The following GATA1 variants were observed in gnomAD, a reference collection of about 807,000 sequenced individuals.
GATA1 encodes erythroid transcription factor.
GATA1 carries 2 observed loss-of-function variants against 18.9 expected under a neutral mutation model. That is an observed-to-expected ratio of 0.11 (90% confidence interval 0.04 to 0.33). GATA1 has a LOEUF of 0.33. Among genes scored for constraint, GATA1 ranks in the 10% least tolerant of loss-of-function variants. The probability of loss-of-function intolerance (pLI) is 1.00; values close to 1 mark genes in which losing one functional copy is unlikely to be tolerated. For missense variants in GATA1, 272 were observed against 344.7 expected, an observed-to-expected ratio of 0.79 and a Z score of 1.67; for synonymous variants, 152 against 149.1, an observed-to-expected ratio of 1.02 and a Z score of -0.14.
In GATA1 at chrX:48,794,253, G is replaced by A; in HGVS notation, c.*89G>A. 1 of 1,066,245 alleles carries A rather than the reference G, an allele frequency of 9.4e-7. No homozygotes were observed. The highest frequency in any genetic ancestry group is 1.3e-6 in the Non-Finnish European group (1 of 783,867). The allele number at this position is 1,066,245 out of a possible 1,213,427, so 87.9% of individuals were successfully genotyped here. The stretch of plus-strand genomic sequence containing the variant: ...GACAACCCAAGTCTCTGGGCCCCAG[G>A]CACCCCCTGGCTTGAACCTTCAAAG... On this transcript the variant is annotated 3_prime_UTR_variant, in exon 6 of 6. Coordinates refer to ENST00000376670, the MANE Select transcript of GATA1 (RefSeq NM_002049.4).
chrX:48,787,090 G>A (rs1203922685), intron 1 of GATA1, among the ~76,000 whole-genome samples: 1 of 109,268 alleles, frequency 9.2e-6, no homozygotes, highest in African/African-American at 3.3e-5. Context: ...GCTCTACAAC[G>A]CCTTGTCTTT....
chrX:48,791,762 T>C (rs782307074), intron 2 of GATA1, 82 bp from the exon 3 acceptor site: 141 of 1,108,634 alleles, frequency 1.3e-4, no homozygotes, highest in Non-Finnish European at 1.7e-4. Context: ...TTGGGGGTGC[T>C]GGGAACCACT....
In GATA1 at chrX:48,794,300, A is replaced by G. The variant is rs1557020714; in HGVS notation, c.*136A>G. 4 of 749,771 alleles carry G rather than the reference A, an allele frequency of 5.3e-6. No individual in the cohort carries two copies. In the Admixed American group the frequency reaches 1.1e-4, roughly 20 times the overall value. The allele number at this position is 749,771 out of a possible 1,213,427, so 61.8% of individuals were successfully genotyped here. ...AAAGCTTTTGTAAAATAAAACCACCAAAGTCCTGAAATTGTGGGTGTGTCT... is the reference window on the plus strand; with the variant it reads ...AAAGCTTTTGTAAAATAAAACCACCGAAGTCCTGAAATTGTGGGTGTGTCT... On this transcript the variant is annotated 3_prime_UTR_variant, in exon 6 of 6. Transcript: ENST00000376670.
Position 48,791,255 on chromosome X carries a change from C to T in GATA1, c.146C>T (p.Ala49Val), listed in dbSNP as rs2062674001. ...TTGGATGCAGCAGCTTCCTCCACTG[C>T]CCCGAGCACAGCCACCGCTGCAGCT... Reference protein sequence around the residue: ...EGLDAAASSTAPSTATAAAAA... With the variant: ...EGLDAAASSTVPSTATAAAAA... Residue 49 changes from alanine to valine, a missense_variant, in exon 2 of 6, where the codon GCC becomes GTC. Physicochemically the swap from Ala to Val is moderately conservative, Grantham distance 64. This residue lies in a region of GATA1 where 147 missense variants were observed against 157.4 expected (regional missense o/e 0.93). Transcript: ENST00000376670. 8.3e-7 allele frequency: 1 copy of T among 1,204,619 alleles called. No homozygotes were observed. Among genetic ancestry groups the T allele is most frequent in the Non-Finnish European group, 1.1e-6 (1 of 892,601 alleles).
In GATA1 at chrX:48,792,016, C is replaced by A. The variant is rs782756928; in HGVS notation, c.393C>A (p.Ser131Arg). Residue 131 changes from serine to arginine, a missense_variant, in exon 3 of 6, where the codon AGC becomes AGA. Transcript: ENST00000376670. The stretch of plus-strand genomic sequence containing the variant: ...ATCTGGATGGAAAAGGCAGCACCAG[C>A]TTCCTGGAGACTTTGAAGACAGAGC... ...VEDLDGKGST[S>R]FLETLKTERL... is the part of the protein sequence containing the mutation. 2.5e-6 allele frequency: 3 copies of A among 1,212,010 alleles called. No individual in the cohort carries two copies. Among genetic ancestry groups the A allele is most frequent in the Non-Finnish European group, 3.4e-6 (3 of 895,496 alleles).
At chrX:48,789,943 T>C (rs1450293094) in intron 1 of GATA1, among the ~76,000 whole-genome samples, 3 of 109,082 alleles carry the variant, frequency 2.8e-5, no homozygotes, top group Admixed American at 9.8e-5. Flanking sequence ...CAAGGGACTC[T>C]GGTCCTGCAT....
At chrX:48,789,738 C>A (rs944815636) in intron 1 of GATA1, among the ~76,000 whole-genome samples, 1 of 110,920 alleles carries the variant, frequency 9.0e-6, no homozygotes, top group Admixed American at 9.5e-5. Context: ...TACTGACCCC[C>A]CCCCAACCAA....
At position 48,789,442 on chromosome X, in the gene GATA1, T is replaced by C. The variant is rs781847300; in HGVS notation, c.-19-1649T>C. ...AGTCAGGGGAAAGAGCCCCAGGGGA[T>C]AGAGAAGTGGAGAGCTAGATGACAG... is the stretch of plus-strand genomic sequence containing the variant. On this transcript the variant is annotated intron_variant, in intron 1 of 5. Coordinates refer to ENST00000376670, the MANE Select transcript of GATA1 (RefSeq NM_002049.4). Among the ~76,000 whole-genome samples the C allele has an allele frequency of 2.0e-4, 22 of 109,698 alleles. No homozygotes were observed. In the East Asian group the frequency reaches 5.2e-3, roughly 26 times the overall value.
chrX:48,787,316 G>A (rs781876280), intron 1 of GATA1, among the ~76,000 whole-genome samples: 14 of 111,044 alleles, frequency 1.3e-4, no homozygotes, highest in African/African-American at 3.9e-4. Context: ...CTGTTCTGCC[G>A]CATGAACCCT....
rs1373370776 is a variant in GATA1 at position 48,791,421 on chromosome X, A to C, written c.220+92A>C. 5 of 808,703 alleles carry C rather than the reference A, an allele frequency of 6.2e-6. No individual in the cohort carries two copies. In the Admixed American group the frequency reaches 1.3e-4, roughly 21 times the overall value. 66.6% of individuals were successfully genotyped at this position (808,703 alleles called of 1,213,427 possible). A position where few individuals can be genotyped will look rare whatever the true frequency, so the allele number is the denominator to read the frequency against. On this transcript the variant is annotated intron_variant, in intron 2 of 5. Coordinates refer to ENST00000376670, the MANE Select transcript of GATA1 (RefSeq NM_002049.4). ...GCTAGGTCAGAATACCACTGTGAGG[A>C]TATCTCAGAAATGGCTGGAAGCTTC... is the stretch of plus-strand genomic sequence containing the variant.
intron 1 of GATA1, among the ~76,000 whole-genome samples, chrX:48,789,021 A>G (rs2062665752): frequency 1.8e-5 from 2 of 112,422 alleles, no homozygotes; most frequent in South Asian, 7.2e-4. Context: ...AAAGCACAGA[A>G]AGAGGTCGGG....
rs782038466 is a variant in GATA1 at position 48,791,149 on chromosome X, C to A, written c.40C>A (p.Pro14Thr). 8.3e-7 allele frequency: 1 copy of A among 1,209,353 alleles called. No individual in the cohort carries two copies. ...CCTGGGGTCCCTGGGGACCTCAGAG[C>A]CCCTCCCCCAGTTTGTGGATCCTGC... ...PGLGSLGTSEPLPQFVDPALV... is the reference protein window; with the variant it reads ...PGLGSLGTSETLPQFVDPALV... Residue 14 changes from proline to threonine, a missense_variant, in exon 2 of 6, where the codon CCC (proline) becomes ACC (threonine). Pro to Thr is a conservative substitution (Grantham distance 38). Around this residue, in one of 3 missense-constraint regions of GATA1, gnomAD observed 147 missense variants for 157.4 expected, o/e 0.93. Coordinates refer to ENST00000376670, the MANE Select transcript of GATA1 (RefSeq NM_002049.4).
In GATA1 at chrX:48,794,188, G is replaced by C. The variant is rs781871070; in HGVS notation, c.*24G>C. On this transcript the variant is annotated 3_prime_UTR_variant, in exon 6 of 6. Transcript: ENST00000376670. ...GAGGGCACAGAGCATGGCCTCCAGAGGAGGGGTGGTGTCCTTCTCCTCTTG... is the reference window on the plus strand; with the variant it reads ...GAGGGCACAGAGCATGGCCTCCAGACGAGGGGTGGTGTCCTTCTCCTCTTG... The C allele has an allele frequency of 8.4e-7, 1 of 1,193,827 alleles. No homozygotes were observed. Among genetic ancestry groups the C allele is most frequent in the South Asian group, 1.8e-5 (1 of 54,082 alleles).
intron 2 of GATA1, 124 bp from the exon 3 acceptor site, chrX:48,791,720 C>T (rs1228092139): frequency 1.2e-6 from 1 of 817,654 alleles, no homozygotes; most frequent in Non-Finnish European, 1.8e-6. Context: ...GTTCTGGTAG[C>T]CTGTGGAAAA....
At chrX:48,786,976 A>C (rs1557019321) in intron 1 of GATA1, among the ~76,000 whole-genome samples, 2 of 109,600 alleles carry the variant, frequency 1.8e-5, no homozygotes, top group Admixed American at 9.8e-5. Flanking sequence ...TATCTCCCCA[A>C]ATCCTTTCCC....
In GATA1 at chrX:48,792,408, C is replaced by T. The variant is rs1283840131; in HGVS notation, c.684C>T (p.Cys228=). Residue 228 remains cysteine (C), a synonymous_variant, in exon 4 of 6, where the codon TGC becomes TGT. Coordinates refer to ENST00000376670, the MANE Select transcript of GATA1 (RefSeq NM_002049.4). Reference sequence around the variant, plus strand: ...CAGGCCACTACCTATGCAACGCCTGCGGCCTCTATCACAAGATGAATGGGC... The same window carrying T: ...CAGGCCACTACCTATGCAACGCCTGTGGCCTCTATCACAAGATGAATGGGC... ...DRTGHYLCNA[C]GLYHKMNGQN... 6 of 1,211,781 alleles carry T rather than the reference C, an allele frequency of 5.0e-6. No homozygotes were observed. The highest frequency in any genetic ancestry group is 1.8e-5 in the South Asian group (1 of 57,011).
chrX:48,791,708 C>A, intron 2 of GATA1, 136 bp from the exon 3 acceptor site: 1 of 733,834 alleles, frequency 1.4e-6, no homozygotes, highest in Non-Finnish European at 2.1e-6. Context: ...TGGCCAGCAG[C>A]TGTTCTGGTA....
At chrX:48,791,460 C>T in intron 2 of GATA1, 131 bp downstream of exon 2, 1 of 639,717 alleles carries the variant, frequency 1.6e-6, no homozygotes, top group Non-Finnish European at 2.5e-6. Flanking sequence ...AATGGATGTG[C>T]CGACCACTTT....
At chrX:48,788,412 C>T in intron 1 of GATA1, among the ~76,000 whole-genome samples, 1 of 111,234 alleles carries the variant, frequency 9.0e-6, no homozygotes, top group East Asian at 2.8e-4. Context: ...TGCAGAGATA[C>T]ACGCAGGTAG....
Sources: gnomAD v4.1 joint callset for allele counts (sites outside exome capture counted in the v4.1 genomes callset) on GRCh38, gnomAD v4.1.1 for gene constraint, gnomAD v4.1.1 regional missense constraint, MANE v1.5 for transcripts, NCBI Gene and HGNC (gene_info 2026-07-23, HGNC 2026-07-21) for gene names.